The following NPAS3 variants were observed in gnomAD, a reference collection of about 807,000 sequenced individuals.
NPAS3 encodes neuronal PAS domain-containing protein 3.
Under a neutral mutation model 73.1 loss-of-function variants are expected in NPAS3, and 14 were observed. That is an observed-to-expected ratio of 0.19 (90% confidence interval 0.13 to 0.30). NPAS3 has a LOEUF of 0.30. Among genes scored for constraint, NPAS3 ranks in the 10% least tolerant of loss-of-function variants. The pLI, the probability that NPAS3 is intolerant of heterozygous loss-of-function variation, is 1.00. For missense variants in NPAS3, 1,096 were observed against 1,250.0 expected (o/e 0.88, Z 1.86); for synonymous variants, 620 against 541.5 (o/e 1.14, Z -2.01).
At chr14:33,088,178 C>T (rs143628809) in intron 2 of NPAS3, among the ~76,000 whole-genome samples, 93 of 152,314 alleles carry the variant, frequency 6.1e-4, no homozygotes, top group African/African-American at 2.2e-3. Flanking sequence ...TGGGGCTTGT[C>T]AGACAGTGGG....
At chr14:33,728,652 C>G (rs1238289121) in intron 6 of NPAS3, among the ~76,000 whole-genome samples, 1 of 152,148 alleles carries the variant, frequency 6.6e-6, no homozygotes, top group Non-Finnish European at 1.5e-5. Flanking sequence ...CTCTAGTATA[C>G]TAAAAGCCGT....
intron 4 of NPAS3, among the ~76,000 whole-genome samples, chr14:33,543,946 C>CATATATATATAT (rs35154724): frequency 9.5e-6 from 1 of 104,988 alleles, no homozygotes; most frequent in Non-Finnish European, 2.2e-5. Flanking sequence ...TGGCAAAGTG[C>CATATATATATAT]ATATATATAT....
intron 4 of NPAS3, among the ~76,000 whole-genome samples, chr14:33,407,886 A>C (rs28611156): frequency 1.0e-3 from 154 of 152,278 alleles, no homozygotes; most frequent in African/African-American, 3.6e-3. Context: ...TGCTTACAGC[A>C]TAGGTCGGAT....
At chr14:33,745,181 C>T (rs941458203) in intron 7 of NPAS3, among the ~76,000 whole-genome samples, 26 of 151,794 alleles carry the variant, frequency 1.7e-4, no homozygotes, top group Non-Finnish European at 3.1e-4. Flanking sequence ...CCCAGGAGTT[C>T]GAGGCTGCAG....
chr14:33,320,137 G>A (rs1004824489), intron 3 of NPAS3, among the ~76,000 whole-genome samples: 2 of 152,116 alleles, frequency 1.3e-5, no homozygotes, highest in Non-Finnish European at 2.9e-5. Context: ...TGCAGAAAGG[G>A]AATGGCATGA....
At chr14:33,472,539 G>GTGATTTCGCAGAGT (rs2050832716) in intron 4 of NPAS3, among the ~76,000 whole-genome samples, 1 of 143,384 alleles carries the variant, frequency 7.0e-6, no homozygotes, top group Admixed American at 6.7e-5. Context: ...AGACTGTTGA[G>GTGATTTCGCAGAGT]AATAGGCTGG....
chr14:33,008,668 G>A (rs2039083563), intron 1 of NPAS3, among the ~76,000 whole-genome samples: 1 of 152,144 alleles, frequency 6.6e-6, no homozygotes, highest in Non-Finnish European at 1.5e-5. Flanking sequence ...GTAATTTTGA[G>A]GGTTTTATAG....
chr14:33,672,984 C>T (rs1455653339), intron 5 of NPAS3, among the ~76,000 whole-genome samples: 2 of 152,216 alleles, frequency 1.3e-5, no homozygotes, highest in African/African-American at 2.4e-5. Flanking sequence ...ATAATGATGA[C>T]AATGACTCAG....
intron 6 of NPAS3, among the ~76,000 whole-genome samples, chr14:33,701,686 GGA>G (rs2060527104): frequency 6.6e-6 from 1 of 152,166 alleles, no homozygotes; most frequent in Non-Finnish European, 1.5e-5. Context: ...TTTCTACACA[GGA>G]GTATTTAGAG....
intron 2 of NPAS3, among the ~76,000 whole-genome samples, chr14:33,158,872 A>C (rs1452686395): frequency 2.6e-5 from 4 of 152,158 alleles, no homozygotes; most frequent in Non-Finnish European, 4.4e-5. Context: ...ACTCTTTTAC[A>C]AAATTACTGG....
At chr14:33,067,326 T>C (rs1473955114) in intron 2 of NPAS3, among the ~76,000 whole-genome samples, 1 of 152,206 alleles carries the variant, frequency 6.6e-6, no homozygotes, top group African/African-American at 2.4e-5. Context: ...ACATCAGTCA[T>C]TTAAAGAACA....
intron 3 of NPAS3, among the ~76,000 whole-genome samples, chr14:33,240,883 T>G (rs1297070438): frequency 1.3e-5 from 2 of 151,942 alleles, no homozygotes; most frequent in African/African-American, 4.8e-5. Context: ...TTGTGTTCTT[T>G]TTCATTTTTA....
At chr14:33,780,758 C>A (rs1023557889) in intron 9 of NPAS3, 3 of 394,660 alleles carry the variant, frequency 7.6e-6, no homozygotes, top group Non-Finnish European at 1.5e-5. Flanking sequence ...TTTTCCGTAC[C>A]CAGAATAATT....
At chr14:33,095,908 G>C (rs572125449) in intron 2 of NPAS3, among the ~76,000 whole-genome samples, 7 of 151,360 alleles carry the variant, frequency 4.6e-5, no homozygotes, top group Non-Finnish European at 8.8e-5. Flanking sequence ...TCCTGACCTC[G>C]TGATTCGCCC....
chr14:33,066,679 C>T (rs2041292711), intron 2 of NPAS3, among the ~76,000 whole-genome samples: 1 of 152,122 alleles, frequency 6.6e-6, no homozygotes. Flanking sequence ...GACTCTGAAA[C>T]AGAGACAGGA....
chr14:33,797,432 C>G, intron 10 of NPAS3, 25 bp from the exon 11 acceptor site: 1 of 1,613,404 alleles, frequency 6.2e-7, no homozygotes, highest in Non-Finnish European at 8.5e-7. Flanking sequence ...TGTCTGCACT[C>G]CTGACCAGTG....
chr14:33,638,297 G>C (rs569210188), intron 5 of NPAS3, among the ~76,000 whole-genome samples: 1 of 152,234 alleles, frequency 6.6e-6, no homozygotes, highest in East Asian at 1.9e-4. Context: ...TGGGCTGCTG[G>C]TCCTCCATCT....
At chr14:33,789,735 C>G (rs1319110571) in intron 9 of NPAS3, among the ~76,000 whole-genome samples, 1 of 146,214 alleles carries the variant, frequency 6.8e-6, no homozygotes, top group Admixed American at 6.8e-5. Context: ...ACTACAGGCG[C>G]CCGCCACCAC....
intron 3 of NPAS3, among the ~76,000 whole-genome samples, chr14:33,272,097 G>A (rs772289211): frequency 9.2e-5 from 14 of 152,212 alleles, no homozygotes; most frequent in African/African-American, 1.2e-4. Context: ...TCCTTGCGTA[G>A]CACTTGTAAT....
Sources: gnomAD v4.1 joint callset for allele counts (sites outside exome capture counted in the v4.1 genomes callset) on GRCh38, gnomAD v4.1.1 for gene constraint, MANE v1.5 for transcripts, NCBI Gene and HGNC (gene_info 2026-07-23, HGNC 2026-07-21) for gene names.